CACNG7: variants seen among roughly 807,000 people sequenced by gnomAD.
CACNG7 encodes voltage-dependent calcium channel gamma-7 subunit.
Under a neutral mutation model 26.3 loss-of-function variants are expected in CACNG7, and 9 were observed. The ratio of observed to expected loss-of-function variants is 0.34; its 90% confidence interval spans 0.21 to 0.60. CACNG7 has a LOEUF of 0.60. CACNG7 is among the 20% of genes least tolerant of loss of function. The pLI is 0.81. For missense variants in CACNG7, 297 were observed against 380.4 expected, an observed-to-expected ratio of 0.78 and a Z score of 1.82; for synonymous variants, 170 against 157.0, an observed-to-expected ratio of 1.08 and a Z score of -0.62.
intron 4 of CACNG7, among the ~76,000 whole-genome samples, chr19:53,920,431 G>GT (rs2068934466): frequency 1.2e-5 from 1 of 84,382 alleles, no homozygotes; most frequent in African/African-American, 8.0e-5. Context: ...TGGTGGACTT[G>GT]CCCCAGGCCG....
rs536939188 is a variant in CACNG7 at position 53,911,305 on chromosome 19, A to T, written c.-29-1498A>T. ...GGTCTCAAACTCCTGACCTCAAGTG[A>T]TCCACCCACCTCAGCCTCCCAAAGT... On this transcript the variant is annotated intron_variant, in intron 1 of 5. Transcript: ENST00000391767. 3.2e-4 allele frequency among the ~76,000 whole-genome samples: 49 copies of T among 152,084 alleles called. 2 individuals carry two copies. Among genetic ancestry groups the T allele is most frequent in the Non-Finnish European group, 2.9e-4 (20 of 67,992 alleles).
intron 4 of CACNG7, among the ~76,000 whole-genome samples, chr19:53,937,576 TCCCTCCCCTC>T (rs149624132): frequency 3.6e-4 from 29 of 79,994 alleles, no homozygotes; most frequent in South Asian, 1.3e-3. Context: ...CCCCTTCCCT[TCCCTCCCCTC>T]CCCTCCCCTC....
At chr19:53,911,897 T>C (rs1006217967) in intron 1 of CACNG7, among the ~76,000 whole-genome samples, 9 of 152,150 alleles carry the variant, frequency 5.9e-5, no homozygotes, top group Non-Finnish European at 1.3e-4. Flanking sequence ...ATACAAATCT[T>C]GAGTGTAAAC....
chr19:53,933,053 G>T (rs1285950761), intron 4 of CACNG7, among the ~76,000 whole-genome samples: 1 of 151,942 alleles, frequency 6.6e-6, no homozygotes, highest in East Asian at 1.9e-4. Context: ...TGATCCGCCC[G>T]CATTGGCCTC....
At chr19:53,921,360 AGT>A (rs2068949207) in intron 4 of CACNG7, among the ~76,000 whole-genome samples, 1 of 114,150 alleles carries the variant, frequency 8.8e-6, no homozygotes, top group Non-Finnish European at 1.7e-5. Flanking sequence ...TCATTGGTGG[AGT>A]CGTCCCCAGG....
chr19:53,935,469 A>G (rs757441896), intron 4 of CACNG7, among the ~76,000 whole-genome samples: 32 of 151,218 alleles, frequency 2.1e-4, no homozygotes, highest in Non-Finnish European at 3.8e-4. Flanking sequence ...ACTACAGGCT[A>G]ATGCCACCAC....
rs1349071568 is a variant in CACNG7 at position 53,909,857 on chromosome 19, A to G, written c.-30+340A>G. 6.6e-6 allele frequency among the ~76,000 whole-genome samples: 1 copy of G among 152,030 alleles called. No homozygotes were observed. Among genetic ancestry groups the G allele is most frequent in the Admixed American group, 6.5e-5 (1 of 15,288 alleles). On this transcript the variant is annotated intron_variant, in intron 1 of 5. Coordinates refer to ENST00000391767, the MANE Select transcript of CACNG7 (RefSeq NM_031896.5). This position sits in a 1 kb window ranked among gnomAD's most constrained non-coding sequence, Gnocchi z 5.1. ...CGGCCAGAGCAGGATGTGGGTCTGG[A>G]AAGGGGTCCCAGAAAGGGGGAGTTA...
In CACNG7 at chr19:53,912,059, TC is replaced by T. The variant is rs2068865303; in HGVS notation, c.-29-743del. ...GGGTGCAAGAAAATGTATCAGGGCA[TC>T]AGATTAGGGCATGGAGTTAAGACTG... On this transcript the variant is annotated intron_variant, in intron 1 of 5. Coordinates refer to ENST00000391767, the MANE Select transcript of CACNG7 (RefSeq NM_031896.5). This position sits in a 1 kb window ranked among gnomAD's most constrained non-coding sequence, Gnocchi z 4.6. Among the ~76,000 whole-genome samples the T allele has an allele frequency of 6.6e-6, 1 of 152,100 alleles. No individual in the cohort carries two copies. The highest frequency in any genetic ancestry group is 2.4e-5 in the African/African-American group (1 of 41,396).
intron 2 of CACNG7, 81 bp from the exon 3 acceptor site, chr19:53,914,419 C>A: frequency 8.5e-7 from 1 of 1,179,956 alleles, no homozygotes; most frequent in Non-Finnish European, 1.2e-6. Flanking sequence ...GGTCTCCCCT[C>A]TATCTGTCCT....
At chr19:53,924,820 T>G (rs1203655826) in intron 4 of CACNG7, among the ~76,000 whole-genome samples, 10 of 120,708 alleles carry the variant, frequency 8.3e-5, no homozygotes, top group South Asian at 2.9e-4. Context: ...TTGCCCCAGG[T>G]CTGGTCATTG....
intron 4 of CACNG7, among the ~76,000 whole-genome samples, chr19:53,938,029 G>A (rs892602061): frequency 6.6e-6 from 1 of 152,126 alleles, no homozygotes; most frequent in Non-Finnish European, 1.5e-5. Context: ...GTGAGCTTGA[G>A]GAGTTCAAGG....
In CACNG7 at chr19:53,931,997, G is replaced by A. The variant is rs1193093903; in HGVS notation, c.425-9473G>A. Among the ~76,000 whole-genome samples the A allele has an allele frequency of 4.0e-5, 6 of 151,460 alleles. No homozygotes were observed. In the East Asian group the frequency reaches 5.8e-4, roughly 15 times the overall value. On this transcript the variant is annotated intron_variant, in intron 4 of 5. Transcript: ENST00000391767. The stretch of plus-strand genomic sequence containing the variant: ...AGGATGGTCTCGATCTCCTGACCTC[G>A]TGATCCGCCTGCCTCAGCCTTCCAA...
Position 53,923,099 on chromosome 19 carries a change from GCTGGTCATTGGTGGAGTTGCCCCAGGT to G in CACNG7, c.424+7641_424+7667del, listed in dbSNP as rs1568775962. ...CTGGTCATTGGTGGAGTTGTCCCAGGCTGGTCATTGGTGGAGTTGCCCCAGGTCTGGTCATTGGTGGAGTTGCCCCAG... is the reference window on the plus strand; with the variant it reads ...CTGGTCATTGGTGGAGTTGTCCCAGGCTGGTCATTGGTGGAGTTGCCCCAG... On this transcript the variant is annotated intron_variant, in intron 4 of 5. Transcript: ENST00000391767. 4.8e-4 allele frequency among the ~76,000 whole-genome samples: 58 copies of G among 121,112 alleles called. 1 individual carries two copies. The highest frequency in any genetic ancestry group is 2.1e-3 in the East Asian group (8 of 3,836). The allele number at this position is 121,112 out of a possible 152,430, so 79.5% of individuals were successfully genotyped here.
chr19:53,942,336 T>C lies in CACNG7; in HGVS notation c.*43T>C. The C allele has an allele frequency of 6.8e-7, 1 of 1,462,602 alleles. No homozygotes were observed. 90.6% of individuals were successfully genotyped at this position (1,462,602 alleles called of 1,614,324 possible). A position where few individuals can be genotyped will look rare whatever the true frequency, so the allele number is the denominator to read the frequency against. On this transcript the variant is annotated 3_prime_UTR_variant, in exon 6 of 6. Transcript: ENST00000391767. The surrounding 1 kb of genome is among the most constrained non-coding windows in gnomAD (Gnocchi z 5.9). Reference sequence around the variant, plus strand: ...TCCCCCTGCCTCCTCCTCCTCCTCGTCTTAGGGGGGTCTCCCTGCAATGCA... The same window carrying C: ...TCCCCCTGCCTCCTCCTCCTCCTCGCCTTAGGGGGGTCTCCCTGCAATGCA...
rs1211101878 is a variant in CACNG7 at position 53,923,344 on chromosome 19, G to T, written c.424+7839G>T. ...CATTGGTGGAGTTGCCCCAGGCCTG[G>T]TCATTGGTGGAGTTGCCCCAGGTCT... On this transcript the variant is annotated intron_variant, in intron 4 of 5. Coordinates refer to ENST00000391767, the MANE Select transcript of CACNG7 (RefSeq NM_031896.5). Among the ~76,000 whole-genome samples the T allele has an allele frequency of 3.7e-5, 5 of 136,386 alleles. No homozygotes were observed. The East Asian group carries it at 1.2e-3, about 32-fold the overall frequency. The allele number at this position is 136,386 out of a possible 152,430, so 89.5% of individuals were successfully genotyped here.
At chr19:53,926,026 T>C (rs2069028358) in intron 4 of CACNG7, among the ~76,000 whole-genome samples, 1 of 152,164 alleles carries the variant, frequency 6.6e-6, no homozygotes, top group African/African-American at 2.4e-5. Flanking sequence ...TGGATATGCT[T>C]ATTCATTCAA....
At chr19:53,922,254 GTC>G (rs747787431) in intron 4 of CACNG7, among the ~76,000 whole-genome samples, 2 of 63,524 alleles carry the variant, frequency 3.1e-5, no homozygotes, top group Non-Finnish European at 5.8e-5. Flanking sequence ...TGGTGGAGTT[GTC>G]CCCAGGTCTG....
intron 4 of CACNG7, among the ~76,000 whole-genome samples, chr19:53,922,200 G>GT (rs1218996586): frequency 1.9e-5 from 2 of 106,268 alleles, no homozygotes; most frequent in East Asian, 2.6e-4. Flanking sequence ...TGGTGGAGTT[G>GT]CCCCAGGTCT....
intron 4 of CACNG7, among the ~76,000 whole-genome samples, chr19:53,922,401 C>T (rs374259154): frequency 1.5e-3 from 137 of 93,428 alleles, no homozygotes; most frequent in African/African-American, 6.7e-3. Flanking sequence ...TGTCCCCAGG[C>T]CTGGTCATTG....
Sources: gnomAD v4.1 joint callset for allele counts (sites outside exome capture counted in the v4.1 genomes callset) on GRCh38, gnomAD v4.1.1 for gene constraint, Gnocchi (gnomAD v3.1) non-coding constraint, MANE v1.5 for transcripts, NCBI Gene and HGNC (gene_info 2026-07-23, HGNC 2026-07-21) for gene names.